C2: variants seen among roughly 807,000 people sequenced by gnomAD.
C2 encodes the protein complement C2, also known as C3/C5 convertase.
A neutral mutation model predicts 85.2 loss-of-function variants in C2; 64 were observed. That is an observed-to-expected ratio of 0.75 (90% CI 0.61 to 0.92). The LOEUF is 0.92. C2 is among the 40% of genes least tolerant of loss of function. The pLI, the probability that C2 is intolerant of heterozygous loss-of-function variation, is 0.00. For missense variants in C2, 820 were observed against 971.6 expected (o/e 0.84, Z 2.07); for synonymous variants, 311 against 370.8 (o/e 0.84, Z 1.85).
chr6:31,900,523 A>C, upstream of C2: 1 of 1,611,444 alleles, frequency 6.2e-7, no homozygotes. The surrounding 1 kb of genome is among the most constrained non-coding windows in gnomAD (Gnocchi z 9.7). Flanking sequence ...CCTTCACCAC[A>C]CCCTGCGGTG....
At position 31,943,286 on chromosome 6, in the gene C2, C is replaced by A; in HGVS notation, c.1422C>A (p.Asp474Glu). 5 of 1,613,006 alleles carry A rather than the reference C, an allele frequency of 3.1e-6. No individual in the cohort carries two copies. Among genetic ancestry groups the A allele is most frequent in the Non-Finnish European group, 4.2e-6 (5 of 1,179,964 alleles). ...GGAACATGTCAGCAAACGCCTCTGACCAGGAGAGGACACCCTGGCATGTCA... is the reference window on the plus strand; with the variant it reads ...GGAACATGTCAGCAAACGCCTCTGAACAGGAGAGGACACCCTGGCATGTCA... ...GVGNMSANAS[D>E]QERTPWHVTI... The change falls in exon 11 of 18, where the codon GAC (aspartate) becomes GAA (glutamate). Residue 474 changes from aspartate (D) to glutamate (E), a missense_variant. Transcript: ENST00000299367. The surrounding 1 kb of genome is among the most constrained non-coding windows in gnomAD (Gnocchi z 6.4).
chr6:31,933,982 G>A lies in C2; in HGVS notation c.715+17G>A. 1 of 1,607,116 alleles carries A rather than the reference G, an allele frequency of 6.2e-7. No homozygotes were observed. The highest frequency in any genetic ancestry group is 8.5e-7 in the Non-Finnish European group (1 of 1,173,584). ...AGACAAAGGGTGAGTGTTTGAGGTG[G>A]GGTTTCTGGTTGAGCAGGGTGCTGG... On this transcript the variant is annotated intron_variant, in intron 5 of 17. Coordinates refer to ENST00000299367, the MANE Select transcript of C2 (RefSeq NM_000063.6).
Position 31,943,862 on chromosome 6 carries a change from A to T in C2, c.1733+53A>T. 1.1e-5 allele frequency: 18 copies of T among 1,611,696 alleles called. No homozygotes were observed. The highest frequency in any genetic ancestry group is 1.5e-5 in the Non-Finnish European group (18 of 1,179,032). ...CCCTGCAGGGAAGAGTGCTCTGGAG[A>T]TCCCTGGAAGAGATACTGGGGACAG... is the stretch of plus-strand genomic sequence containing the variant. On this transcript the variant is annotated intron_variant, in intron 13 of 17. Coordinates refer to ENST00000299367, the MANE Select transcript of C2 (RefSeq NM_000063.6). The surrounding 1 kb of genome is among the most constrained non-coding windows in gnomAD (Gnocchi z 6.4).
chr6:31,940,791 G>A (rs1346956192), intron 9 of C2, among the ~76,000 whole-genome samples: 4 of 152,176 alleles, frequency 2.6e-5, no homozygotes, highest in Admixed American at 6.5e-5. Flanking sequence ...CAAAGAAAAC[G>A]CACAAGGCAC....
chr6:31,940,740 A>G (rs1770812721), intron 9 of C2, among the ~76,000 whole-genome samples: 1 of 152,186 alleles, frequency 6.6e-6, no homozygotes, highest in Non-Finnish European at 1.5e-5. Context: ...TGCTACAAAA[A>G]CATTTTATTG....
Position 31,922,288 on chromosome 6 carries a change from G to A in C2, c.-100+2262G>A, listed in dbSNP as rs1769027470. ...GTCACACATTAAGGCTGTGAACCAG[G>A]CCAAGCCAGACTAGTTTTCCAATTT... is the stretch of plus-strand genomic sequence containing the variant. On this transcript the variant is annotated intron_variant, in intron 1 of 3. Coordinates refer to the C2 transcript ENST00000413154. The surrounding 1 kb of genome is among the most constrained non-coding windows in gnomAD (Gnocchi z 4.8). Among the ~76,000 whole-genome samples the A allele has an allele frequency of 6.6e-6, 1 of 152,080 alleles. No homozygotes were observed.
chr6:31,938,837 G>A (rs917803225), intron 8 of C2, among the ~76,000 whole-genome samples: 21 of 152,278 alleles, frequency 1.4e-4, no homozygotes, highest in African/African-American at 3.9e-4. Context: ...ATATTTAGTA[G>A]AGGTGCGGTT....
intron 2 of C2, among the ~76,000 whole-genome samples, 178 bp from the exon 3 acceptor site, chr6:31,928,554 G>A (rs1367596744): frequency 1.3e-5 from 2 of 152,074 alleles, no homozygotes; most frequent in Admixed American, 1.3e-4. Context: ...CTGTGAAATT[G>A]GCAATATTCA....
At chr6:31,899,937 G>A (rs926375540), upstream of C2, 7 of 1,584,050 alleles carry the variant, frequency 4.4e-6, no homozygotes, top group African/African-American at 8.1e-5. Context: ...TAGCGGATGA[G>A]GACGTTAATC....
intron 9 of C2, among the ~76,000 whole-genome samples, chr6:31,941,905 G>A (rs1430293670): frequency 5.1e-5 from 7 of 136,864 alleles, no homozygotes; most frequent in Non-Finnish European, 7.6e-5. Flanking sequence ...TGCAACATCC[G>A]CCTCCCGGTT....
intron 9 of C2, 118 bp from the exon 10 acceptor site, chr6:31,942,841 C>T: frequency 7.9e-7 from 1 of 1,273,032 alleles, no homozygotes; most frequent in Non-Finnish European, 1.1e-6. Context: ...GGGGAGGACG[C>T]AGGGGTCCAG....
At chr6:31,900,641 C>A, upstream of C2, 1 of 1,612,752 alleles carries the variant, frequency 6.2e-7, no homozygotes, top group Non-Finnish European at 8.5e-7. This position sits in a 1 kb window ranked among gnomAD's most constrained non-coding sequence, Gnocchi z 9.7. Context: ...GGGTTTGAGC[C>A]GGTGTGCCAC....
chr6:31,943,623 A>C lies in C2; in HGVS notation c.1568-21A>C. On this transcript the variant is annotated intron_variant, in intron 12 of 17. Transcript: ENST00000299367. This position sits in a 1 kb window ranked among gnomAD's most constrained non-coding sequence, Gnocchi z 6.4. ...CCCTGCAGGAGCCCTGGTCTAGCCTAATCTAGTGTATCATTTCCAGGAGAC... is the reference window on the plus strand; with the variant it reads ...CCCTGCAGGAGCCCTGGTCTAGCCTCATCTAGTGTATCATTTCCAGGAGAC... The C allele has an allele frequency of 6.2e-7, 1 of 1,612,694 alleles. No individual in the cohort carries two copies. Among genetic ancestry groups the C allele is most frequent in the East Asian group, 2.2e-5 (1 of 44,876 alleles).
intron 1 of C2, among the ~76,000 whole-genome samples, chr6:31,906,107 A>G (rs1767696621): frequency 6.6e-6 from 1 of 152,000 alleles, no homozygotes; most frequent in Admixed American, 6.6e-5. Flanking sequence ...GTCTTACATT[A>G]CAACAAAACC....
At position 31,921,091 on chromosome 6, in the gene C2, G is replaced by C. The variant is rs1252874302; in HGVS notation, c.-100+1065G>C. ...TGCCTGCTAGGATGGGGGATGGTGTGTGTACCGAGGAACTTAGCAGAGGCC... is the reference window on the plus strand; with the variant it reads ...TGCCTGCTAGGATGGGGGATGGTGTCTGTACCGAGGAACTTAGCAGAGGCC... On this transcript the variant is annotated intron_variant, in intron 1 of 3. Coordinates refer to the C2 transcript ENST00000413154. The surrounding 1 kb of genome is among the most constrained non-coding windows in gnomAD (Gnocchi z 4.6). 2.6e-5 allele frequency among the ~76,000 whole-genome samples: 4 copies of C among 152,192 alleles called. No individual in the cohort carries two copies. Among genetic ancestry groups the C allele is most frequent in the Admixed American group, 2.6e-4 (4 of 15,278 alleles).
At chr6:31,939,889 G>A (rs1444745562) in intron 9 of C2, among the ~76,000 whole-genome samples, 1 of 152,016 alleles carries the variant, frequency 6.6e-6, no homozygotes, top group African/African-American at 2.4e-5. Flanking sequence ...TGATTCTCCT[G>A]CCTCAGCCTC....
intron 3 of C2, chr6:31,932,601 G>A (rs9267771): frequency 0.011 from 1,763 of 164,574 alleles, 22 homozygotes; most frequent in African/African-American, 0.015. Flanking sequence ...ATGGGATGGC[G>A]GCCGGGCAGA....
intron 1 of C2, among the ~76,000 whole-genome samples, chr6:31,905,623 A>T (rs1562546812): frequency 6.6e-6 from 1 of 151,866 alleles, no homozygotes; most frequent in African/African-American, 2.4e-5. Flanking sequence ...AATAATAAAT[A>T]AAAGTAAATA....
chr6:31,921,995 G>A lies in C2; in HGVS notation c.-100+1969G>A, dbSNP rs1233145656. Among the ~76,000 whole-genome samples, 4 of 152,258 alleles carry A rather than the reference G, an allele frequency of 2.6e-5. No homozygotes were observed. The highest frequency in any genetic ancestry group is 1.9e-4 in the East Asian group (1 of 5,174). ...TCCCACTCAGGAACCCTGGAGTGGTGCAGAGTTATCCCATGGTCCAGGGTG... is the reference window on the plus strand; with the variant it reads ...TCCCACTCAGGAACCCTGGAGTGGTACAGAGTTATCCCATGGTCCAGGGTG... On this transcript the variant is annotated intron_variant, in intron 1 of 3. Coordinates refer to the C2 transcript ENST00000413154. This position sits in a 1 kb window ranked among gnomAD's most constrained non-coding sequence, Gnocchi z 4.6.
Sources: gnomAD v4.1 joint callset for allele counts (sites outside exome capture counted in the v4.1 genomes callset) on GRCh38, gnomAD v4.1.1 for gene constraint, Gnocchi (gnomAD v3.1) non-coding constraint, MANE v1.5 for transcripts, NCBI Gene and HGNC (gene_info 2026-07-23, HGNC 2026-07-21) for gene names.